The following BMP2K variants were observed in gnomAD, a reference collection of about 807,000 sequenced individuals.
BMP2K encodes BMP2 inducible kinase, also known as BMP-2-inducible protein kinase.
BMP2K carries 74 observed loss-of-function variants against 116.0 expected under a neutral mutation model. The ratio of observed to expected loss-of-function variants is 0.64; its 90% CI spans 0.53 to 0.77. The LOEUF is 0.77. BMP2K is among the 30% of genes least tolerant of loss of function. BMP2K has a pLI of 0.00. For synonymous variants in BMP2K, 486 were observed against 502.5 expected (o/e 0.97, Z 0.44); for missense variants, 1,365 against 1,403.6 (o/e 0.97, Z 0.44).
intron 15 of BMP2K, among the ~76,000 whole-genome samples, chr4:78,901,797 A>G (rs1210229975): frequency 6.6e-6 from 1 of 152,192 alleles, no homozygotes; most frequent in Non-Finnish European, 1.5e-5. Context: ...ATTGTATTTG[A>G]AGAGTTTTAG....
chr4:78,886,457 C>G (rs1214334442), intron 14 of BMP2K, among the ~76,000 whole-genome samples: 3 of 152,082 alleles, frequency 2.0e-5, no homozygotes, highest in African/African-American at 7.2e-5. Context: ...ATGCCTATTG[C>G]CTATTATTTG....
intron 1 of BMP2K, among the ~76,000 whole-genome samples, chr4:78,788,189 A>G (rs992653700): frequency 6.6e-6 from 1 of 151,334 alleles, no homozygotes; most frequent in African/African-American, 2.4e-5. Flanking sequence ...CTATTTTTTT[A>G]TACAGGCACA....
At chr4:78,858,219 C>G (rs1731597462) in intron 7 of BMP2K, among the ~76,000 whole-genome samples, 1 of 151,878 alleles carries the variant, frequency 6.6e-6, no homozygotes, top group African/African-American at 2.4e-5. Context: ...TTATTGTTAA[C>G]AGTATGTTTA....
At chr4:78,784,087 T>G (rs900499222) in intron 1 of BMP2K, among the ~76,000 whole-genome samples, 3 of 150,600 alleles carry the variant, frequency 2.0e-5, no homozygotes, top group African/African-American at 7.5e-5. Flanking sequence ...GTGAGACGGA[T>G]GTCCTTATGT....
chr4:78,887,645 G>C (rs547785909), intron 15 of BMP2K, among the ~76,000 whole-genome samples: 1 of 152,182 alleles, frequency 6.6e-6, no homozygotes, highest in South Asian at 2.1e-4. Context: ...CATTTTAAAA[G>C]TATTAATAAT....
At chr4:78,821,345 C>T (rs1578495868) in intron 1 of BMP2K, among the ~76,000 whole-genome samples, 3 of 152,278 alleles carry the variant, frequency 2.0e-5, no homozygotes, top group Admixed American at 6.5e-5. Flanking sequence ...TCCCACATTT[C>T]ATTATCTGTA....
At chr4:78,890,163 A>T (rs1235742353) in intron 15 of BMP2K, among the ~76,000 whole-genome samples, 1 of 151,938 alleles carries the variant, frequency 6.6e-6, no homozygotes, top group Non-Finnish European at 1.5e-5. Context: ...ATTTAACAAG[A>T]TTTGAAATGG....
At chr4:78,787,983 G>A (rs962488015) in intron 1 of BMP2K, among the ~76,000 whole-genome samples, 1 of 152,100 alleles carries the variant, frequency 6.6e-6, no homozygotes, top group African/African-American at 2.4e-5. Flanking sequence ...TCTTTTGAAT[G>A]AGATTGTCAG....
chr4:78,824,095 A>G (rs562279417), intron 1 of BMP2K, among the ~76,000 whole-genome samples: 23 of 152,298 alleles, frequency 1.5e-4, no homozygotes, highest in African/African-American at 5.5e-4. Context: ...CATCATCATC[A>G]TCTGATTTAT....
In BMP2K at chr4:78,801,106, A is replaced by T. The variant is rs1237094105; in HGVS notation, c.178+24385A>T. Among the ~76,000 whole-genome samples the T allele has an allele frequency of 3.9e-5, 6 of 152,060 alleles. No individual in the cohort carries two copies. In the East Asian group the frequency reaches 7.7e-4, roughly 20 times the overall value. On this transcript the variant is annotated intron_variant, in intron 1 of 15. Transcript: ENST00000502613. The stretch of plus-strand genomic sequence containing the variant: ...CCCCTGCAGTCTCTCTGTGTAATGG[A>T]TCTATGCACAAATTACCCATAGCTC...
chr4:78,858,944 C>T (rs1268597369), intron 7 of BMP2K, among the ~76,000 whole-genome samples: 1 of 151,818 alleles, frequency 6.6e-6, no homozygotes, highest in African/African-American at 2.4e-5. Context: ...AAAGATCAGG[C>T]ATTTCAAGCA....
chr4:78,828,437 G>T (rs530328545), intron 2 of BMP2K, among the ~76,000 whole-genome samples: 2 of 152,286 alleles, frequency 1.3e-5, no homozygotes, highest in South Asian at 4.1e-4. Flanking sequence ...GTCCTCTTGG[G>T]TTTTTATGGA....
chr4:78,832,387 C>A (rs937265751), intron 2 of BMP2K, among the ~76,000 whole-genome samples: 1 of 152,130 alleles, frequency 6.6e-6, no homozygotes, highest in South Asian at 2.1e-4. Flanking sequence ...TTTGTATCAA[C>A]GTCTTTACTA....
chr4:78,876,832 TTTA>T (rs922923124), intron 13 of BMP2K, among the ~76,000 whole-genome samples: 22 of 152,268 alleles, frequency 1.4e-4, no homozygotes, highest in African/African-American at 5.3e-4. Context: ...ATTAGGCAAT[TTTA>T]TTGTTGTATG....
intron 1 of BMP2K, among the ~76,000 whole-genome samples, chr4:78,814,172 T>A (rs1235077024): frequency 6.6e-6 from 1 of 152,160 alleles, no homozygotes; most frequent in Non-Finnish European, 1.5e-5. Flanking sequence ...GACATCTGTT[T>A]CCCTCTGTCC....
chr4:78,786,420 T>TGTGTGTGC, intron 1 of BMP2K, among the ~76,000 whole-genome samples: 1 of 149,932 alleles, frequency 6.7e-6, no homozygotes, highest in African/African-American at 2.5e-5. Flanking sequence ...TGTGTGTGTG[T>TGTGTGTGC]GTGTGTGTGT....
At chr4:78,872,065 G>A (rs1401338932) in intron 12 of BMP2K, 117 bp downstream of exon 12, 1 of 765,700 alleles carries the variant, frequency 1.3e-6, no homozygotes, top group East Asian at 2.9e-5. Flanking sequence ...TAATTGACAT[G>A]TATTTTATCA....
Position 78,870,901 on chromosome 4 carries a change from A to G in BMP2K, c.1350A>G (p.Gln450=), listed in dbSNP as rs1732300478. 6.2e-7 allele frequency: 1 copy of G among 1,612,224 alleles called. No homozygotes were observed. The highest frequency in any genetic ancestry group is 1.3e-5 in the African/African-American group (1 of 74,376). ...QLQQGDWRLQ[Q]LHLQHRHPHQ... ...AGCAGGGAGATTGGAGATTACAGCA[A>G]CTCCATTTACAGCATCGTCATCCTC... Residue 450 remains glutamine (Q), a synonymous_variant, in exon 11 of 16, where the codon CAA becomes CAG. Transcript: ENST00000502613.
At chr4:78,854,890 A>G (rs560468546) in intron 7 of BMP2K, among the ~76,000 whole-genome samples, 72 of 152,140 alleles carry the variant, frequency 4.7e-4, no homozygotes, top group Admixed American at 1.4e-3. Flanking sequence ...TGTTTCCTCT[A>G]TAACCTCACC....
Sources: gnomAD v4.1 joint callset for allele counts (sites outside exome capture counted in the v4.1 genomes callset) on GRCh38, gnomAD v4.1.1 for gene constraint, MANE v1.5 for transcripts, NCBI Gene and HGNC (gene_info 2026-07-23, HGNC 2026-07-21) for gene names.